Variants in ELAPOR1 observed in about 807,000 individuals in gnomAD.
ELAPOR1 encodes endosome/lysosome-associated apoptosis and autophagy regulator 1.
A neutral mutation model predicts 119.7 loss-of-function variants in ELAPOR1; 77 were observed. That is an observed-to-expected ratio of 0.64 (90% CI 0.54 to 0.78). The LOEUF is 0.78. ELAPOR1 is among the 30% of genes least tolerant of loss of function. ELAPOR1 has a pLI of 0.00. For missense variants in ELAPOR1, 1,115 were observed against 1,270.4 expected, an observed-to-expected ratio of 0.88 and a Z score of 1.86; for synonymous variants, 481 against 487.2, an observed-to-expected ratio of 0.99 and a Z score of 0.17.
intron 1 of ELAPOR1, among the ~76,000 whole-genome samples, chr1:109,160,794 A>G (rs1651198994): frequency 6.6e-6 from 1 of 152,194 alleles, no homozygotes; most frequent in African/African-American, 2.4e-5. Flanking sequence ...AATCATCACT[A>G]ATTCCATGGT....
intron 7 of ELAPOR1, among the ~76,000 whole-genome samples, chr1:109,178,861 A>G (rs1652512333): frequency 6.6e-6 from 1 of 152,030 alleles, no homozygotes. Context: ...GCTACTTGGG[A>G]GGCTGAGGCA....
At chr1:109,116,538 C>G (rs1648014433) in intron 1 of ELAPOR1, among the ~76,000 whole-genome samples, 1 of 152,122 alleles carries the variant, frequency 6.6e-6, no homozygotes, top group Non-Finnish European at 1.5e-5. Flanking sequence ...CATTGAACAC[C>G]CTCAACTCCA....
intron 18 of ELAPOR1, 39 bp from the exon 19 acceptor site, chr1:109,199,815 C>T (rs1303933186): frequency 6.2e-7 from 1 of 1,602,688 alleles, no homozygotes; most frequent in East Asian, 2.2e-5. Flanking sequence ...CCCACCCCTC[C>T]AGCGAGTGAG....
At chr1:109,124,361 G>C (rs1441397362) in intron 1 of ELAPOR1, among the ~76,000 whole-genome samples, 1 of 152,106 alleles carries the variant, frequency 6.6e-6, no homozygotes, top group Non-Finnish European at 1.5e-5. Context: ...CTCCCAAGTA[G>C]CTGGGGCTGC....
chr1:109,120,031 C>G (rs1293398263), intron 1 of ELAPOR1, among the ~76,000 whole-genome samples: 1 of 152,102 alleles, frequency 6.6e-6, no homozygotes, highest in Non-Finnish European at 1.5e-5. Context: ...ATACCTAATC[C>G]TCAATGCAAT....
intron 1 of ELAPOR1, among the ~76,000 whole-genome samples, chr1:109,124,347 C>T (rs1415781430): frequency 6.6e-6 from 1 of 152,124 alleles, no homozygotes; most frequent in East Asian, 1.9e-4. Context: ...CCTCCTGCCT[C>T]GGCCTCCCAA....
intron 3 of ELAPOR1, among the ~76,000 whole-genome samples, chr1:109,166,574 C>A (rs1340349588): frequency 6.6e-6 from 1 of 152,176 alleles, no homozygotes; most frequent in African/African-American, 2.4e-5. Flanking sequence ...GTGAAATAGG[C>A]ATTACTATTT....
At chr1:109,197,771 GC>G in intron 16 of ELAPOR1, 117 bp downstream of exon 16, 1 of 1,183,426 alleles carries the variant, frequency 8.5e-7, no homozygotes, top group Non-Finnish European at 1.2e-6. Context: ...CACATGAGGG[GC>G]CCAACCTCTT....
chr1:109,154,322 G>A (rs1187228071), intron 1 of ELAPOR1, among the ~76,000 whole-genome samples: 6 of 151,376 alleles, frequency 4.0e-5, no homozygotes, highest in Non-Finnish European at 7.4e-5. Flanking sequence ...GAAAAAGATG[G>A]AAGTAAGGAC....
At chr1:109,133,117 T>A (rs1472585691) in intron 1 of ELAPOR1, among the ~76,000 whole-genome samples, 2 of 151,876 alleles carry the variant, frequency 1.3e-5, no homozygotes, top group Non-Finnish European at 2.9e-5. Flanking sequence ...GTGGTCCCAG[T>A]AACTTGGGAG....
At position 109,174,384 on chromosome 1, in the gene ELAPOR1, G is replaced by A. The variant is rs1480423884; in HGVS notation, c.952+547G>A. Among the ~76,000 whole-genome samples the A allele has an allele frequency of 3.0e-4, 34 of 111,492 alleles. No individual in the cohort carries two copies. In the Admixed American group the frequency reaches 4.3e-3, roughly 14 times the overall value. 73.1% of individuals were successfully genotyped at this position (111,492 alleles called of 152,430 possible). Reference sequence around the variant, plus strand: ...GCCATGATCACACCACTGCACTACAGCCTGGGTGACAGAGTAAGACCCTGT... The same window carrying A: ...GCCATGATCACACCACTGCACTACAACCTGGGTGACAGAGTAAGACCCTGT... On this transcript the variant is annotated intron_variant, in intron 7 of 21. Coordinates refer to ENST00000369939, the MANE Select transcript of ELAPOR1 (RefSeq NM_020775.5).
chr1:109,159,202 T>C (rs1651089912), intron 1 of ELAPOR1, among the ~76,000 whole-genome samples: 2 of 152,200 alleles, frequency 1.3e-5, no homozygotes, highest in African/African-American at 4.8e-5. Flanking sequence ...CCTAAGCTTA[T>C]GTCTTGAATG....
intron 18 of ELAPOR1, among the ~76,000 whole-genome samples, chr1:109,199,255 G>A (rs1021661822): frequency 8.6e-5 from 13 of 152,042 alleles, no homozygotes; most frequent in Admixed American, 1.3e-4. Flanking sequence ...TCCCCTCCCC[G>A]CATAACAGCA....
At position 109,191,255 on chromosome 1, in the gene ELAPOR1, A is replaced by G. The variant is rs75818498; in HGVS notation, c.1440-111A>G. ...ATTGGATTTAGTCCACACGCTTTCC[A>G]TCATACTCAGAACTTAACCCTGTCC... On this transcript the variant is annotated intron_variant, in intron 11 of 21. Transcript: ENST00000369939. 926 of 700,276 alleles carry G rather than the reference A, an allele frequency of 1.3e-3. 6 individuals carry two copies. Among genetic ancestry groups the G allele is most frequent in the East Asian group, 0.012 (455 of 36,978 alleles). 43.4% of individuals were successfully genotyped at this position (700,276 alleles called of 1,614,324 possible). A position where few individuals can be genotyped will look rare whatever the true frequency, so the allele number is the denominator to read the frequency against.
chr1:109,169,239 C>CTATTAT (rs925634165), intron 3 of ELAPOR1, among the ~76,000 whole-genome samples: 3 of 151,964 alleles, frequency 2.0e-5, no homozygotes, highest in Non-Finnish European at 4.4e-5. Context: ...CTTTAACTGG[C>CTATTAT]TATTATTATT....
intron 1 of ELAPOR1, among the ~76,000 whole-genome samples, chr1:109,152,952 CAAAAAAAAA>C (rs11392572): frequency 9.8e-6 from 1 of 102,412 alleles, no homozygotes; most frequent in Non-Finnish European, 1.8e-5. Flanking sequence ...ACCCTGTCTC[CAAAAAAAAA>C]AAAAAAAAGA....
intron 1 of ELAPOR1, among the ~76,000 whole-genome samples, chr1:109,131,302 A>G (rs761462892): frequency 3.9e-5 from 6 of 152,192 alleles, no homozygotes; most frequent in Non-Finnish European, 7.3e-5. Context: ...TTATGACTCA[A>G]TCTCAGAGGT....
Position 109,114,182 on chromosome 1 carries a change from C to G in ELAPOR1, c.-2C>G. The G allele has an allele frequency of 6.3e-7, 1 of 1,593,690 alleles. No homozygotes were observed. The highest frequency in any genetic ancestry group is 8.5e-7 in the Non-Finnish European group (1 of 1,169,796). On this transcript the variant is annotated 5_prime_UTR_variant, in exon 1 of 22. Coordinates refer to ENST00000369939, the MANE Select transcript of ELAPOR1 (RefSeq NM_020775.5). ...CTACTGCCGCTCACTCAGGACAACG[C>G]TATGGCTGAGCCTGGGCACAGCCAC...
At chr1:109,120,919 A>C (rs1290671334) in intron 1 of ELAPOR1, among the ~76,000 whole-genome samples, 1 of 152,176 alleles carries the variant, frequency 6.6e-6, no homozygotes, top group Non-Finnish European at 1.5e-5. Context: ...TAGCATCTTA[A>C]GGTGTCAAGG....
Sources: gnomAD v4.1 joint callset for allele counts (sites outside exome capture counted in the v4.1 genomes callset) on GRCh38, gnomAD v4.1.1 for gene constraint, MANE v1.5 for transcripts, NCBI Gene and HGNC (gene_info 2026-07-23, HGNC 2026-07-21) for gene names.